Variants in DNAJC10 observed in about 807,000 individuals in gnomAD.
DNAJC10 encodes DnaJ heat shock protein family (Hsp40) member C10.
In DNAJC10, 101 loss-of-function variants were observed where a neutral mutation model predicts 115.0. The ratio of observed to expected loss-of-function variants is 0.88; its 90% CI spans 0.75 to 1.04. The LOEUF (loss-of-function observed/expected upper bound fraction) is 1.04, where lower values mean the gene tolerates loss of function less well. Among genes scored for constraint, DNAJC10 ranks in the 50% least tolerant of loss-of-function variants. The pLI is 0.00. For synonymous variants in DNAJC10, 307 were observed against 301.5 expected (o/e 1.02, Z -0.19); for missense variants, 981 against 928.8 (o/e 1.06, Z -0.73).
chr2:182,729,936 G>T lies in DNAJC10; in HGVS notation c.722G>T (p.Trp241Leu). ...GTTAGAAGTACAGTGACAGAACTTT[G>T]GACAGGTAATTTTATTTTCTTAATT... ...QHVRSTVTEL[W>L]TGNFVNSIQT... The change falls in exon 8 of 24, where the codon TGG (tryptophan) becomes TTG (leucine). Residue 241 changes from tryptophan (W) to leucine (L), a missense_variant. Transcript: ENST00000264065. 6.3e-7 allele frequency: 1 copy of T among 1,591,476 alleles called. No individual in the cohort carries two copies. Among genetic ancestry groups the T allele is most frequent in the Non-Finnish European group, 8.6e-7 (1 of 1,167,350 alleles).
chr2:182,718,374 A>T, intron 3 of DNAJC10, 84 bp downstream of exon 3: 1 of 1,078,102 alleles, frequency 9.3e-7, no homozygotes, highest in South Asian at 1.8e-5. Flanking sequence ...AAATGATCAA[A>T]TGCTTAAGAA....
chr2:182,728,769 T>C (rs1315393349), intron 6 of DNAJC10, 94 bp from the exon 7 acceptor site: 1 of 1,519,300 alleles, frequency 6.6e-7, no homozygotes, highest in African/African-American at 1.4e-5. Context: ...ATCAAATACT[T>C]TAAATGTCTG....
chr2:182,793,297 G>A lies in DNAJC10; in HGVS notation c.*16165G>A, dbSNP rs965927094. 6.6e-6 allele frequency: 1 copy of A among 152,224 alleles called. No individual in the cohort carries two copies. Among genetic ancestry groups the A allele is most frequent in the African/African-American group, 2.4e-5 (1 of 41,452 alleles). The allele number at this position is 152,224 out of a possible 1,614,324, so 9.4% of individuals were successfully genotyped here. A position where few individuals can be genotyped will look rare whatever the true frequency, so the allele number is the denominator to read the frequency against. On this transcript the variant is annotated 3_prime_UTR_variant, in exon 24 of 24. Coordinates refer to ENST00000264065, the MANE Select transcript of DNAJC10 (RefSeq NM_018981.4). ...AGCCAGATCATAGAGGGCTTTGCAG[G>A]TCACTTGTAAGGACTTTAGCTTTCT...
At chr2:182,732,431 G>A (rs1574925706) in intron 9 of DNAJC10, 68 bp from the exon 10 acceptor site, 1 of 1,471,338 alleles carries the variant, frequency 6.8e-7, no homozygotes, top group Non-Finnish European at 9.5e-7. Flanking sequence ...TGGGGGAAAG[G>A]CAAATGCAAG....
chr2:182,734,168 A>T (rs1693526881), intron 10 of DNAJC10, among the ~76,000 whole-genome samples: 1 of 147,690 alleles, frequency 6.8e-6, no homozygotes, highest in African/African-American at 2.5e-5. Flanking sequence ...TTATGATTTA[A>T]TTTGCTGTTC....
At chr2:182,736,665 T>G (rs1693591927) in intron 11 of DNAJC10, among the ~76,000 whole-genome samples, 2 of 152,222 alleles carry the variant, frequency 1.3e-5, no homozygotes, top group Non-Finnish European at 2.9e-5. Context: ...CATTATATTT[T>G]TAAACCCCAA....
chr2:182,719,815 T>C (rs1693100996), intron 3 of DNAJC10, among the ~76,000 whole-genome samples, 192 bp from the exon 4 acceptor site: 2 of 150,312 alleles, frequency 1.3e-5, no homozygotes, highest in Non-Finnish European at 3.0e-5. Context: ...TTTTTTTTTT[T>C]TGAAGATTAT....
chr2:182,740,021 A>C (rs769770966), intron 11 of DNAJC10: 1 of 1,018,836 alleles, frequency 9.8e-7, no homozygotes, highest in Non-Finnish European at 1.2e-6. Context: ...TTTTTATAGA[A>C]TACACATCAT....
Position 182,744,635 on chromosome 2 carries a change from G to C in DNAJC10, c.1306+923G>C, listed in dbSNP as rs575465658. Among the ~76,000 whole-genome samples, 100 of 152,162 alleles carry C rather than the reference G, an allele frequency of 6.6e-4. 2 individuals are homozygous for C. Among genetic ancestry groups the C allele is most frequent in the Admixed American group, 7.9e-4 (12 of 15,274 alleles). On this transcript the variant is annotated intron_variant, in intron 14 of 23. Coordinates refer to ENST00000264065, the MANE Select transcript of DNAJC10 (RefSeq NM_018981.4). ...CAGTAACTACTGTTTATTCACTGCT[G>C]TCTCCAAGTCAGACATTCTGCCAGA...
Position 182,791,293 on chromosome 2 carries a change from A to G in DNAJC10, c.*14161A>G, listed in dbSNP as rs1695044592. ...TGCCTTGGTGTGAATAAACCTTAAC[A>G]TAGAAACTCACCCAGCCTCAAAAGT... On this transcript the variant is annotated 3_prime_UTR_variant, in exon 24 of 24. Transcript: ENST00000264065. 1 of 152,168 alleles carries G rather than the reference A, an allele frequency of 6.6e-6. No individual in the cohort carries two copies. The highest frequency in any genetic ancestry group is 1.5e-5 in the Non-Finnish European group (1 of 68,024). The allele number at this position is 152,168 out of a possible 1,614,324, so 9.4% of individuals were successfully genotyped here.
chr2:182,732,763 T>G (rs1693484465), intron 10 of DNAJC10: 1 of 535,806 alleles, frequency 1.9e-6, no homozygotes, highest in Non-Finnish European at 3.3e-6. Flanking sequence ...ATTTACTTTG[T>G]AAGTATTCTG....
chr2:182,751,815 C>T (rs560480671), intron 15 of DNAJC10, 30 bp downstream of exon 15: 2 of 1,605,472 alleles, frequency 1.2e-6, no homozygotes, highest in East Asian at 2.2e-5. Context: ...CAGATTCTAA[C>T]ATTGTCAGAT....
At chr2:182,763,195 A>C (rs995405093) in intron 22 of DNAJC10, among the ~76,000 whole-genome samples, 1 of 152,088 alleles carries the variant, frequency 6.6e-6, no homozygotes, top group East Asian at 1.9e-4. Context: ...ATATTTCCTT[A>C]GTATATTTCT....
At chr2:182,725,420 C>G (rs947747284) in intron 5 of DNAJC10, among the ~76,000 whole-genome samples, 5 of 152,188 alleles carry the variant, frequency 3.3e-5, no homozygotes, top group Admixed American at 1.3e-4. Context: ...AGGTAGACCT[C>G]TTTTGCTAGT....
rs1695011591 is a variant in DNAJC10, at chr2:182,789,496, C to G, written c.*12364C>G. Reference sequence around the variant, plus strand: ...TTGGTCTCCCAAAGTGCTGGGATTACAGGCGTGAGCCACCGCACCCAGCCA... The same window carrying G: ...TTGGTCTCCCAAAGTGCTGGGATTAGAGGCGTGAGCCACCGCACCCAGCCA... On this transcript the variant is annotated 3_prime_UTR_variant, in exon 24 of 24. Coordinates refer to ENST00000264065, the MANE Select transcript of DNAJC10 (RefSeq NM_018981.4). 6.6e-6 allele frequency: 1 copy of G among 152,354 alleles called. No individual in the cohort carries two copies. Among genetic ancestry groups the G allele is most frequent in the Admixed American group, 6.5e-5 (1 of 15,294 alleles). The allele number at this position is 152,354 out of a possible 1,614,324, so 9.4% of individuals were successfully genotyped here. A position where few individuals can be genotyped will look rare whatever the true frequency, so the allele number is the denominator to read the frequency against.
intron 10 of DNAJC10, among the ~76,000 whole-genome samples, chr2:182,735,047 C>T (rs1055800899): frequency 2.0e-5 from 3 of 151,130 alleles, no homozygotes; most frequent in African/African-American, 7.3e-5. Flanking sequence ...TATATTTGGC[C>T]CTATGCTTAC....
At chr2:182,771,067 G>T (rs888288366) in intron 22 of DNAJC10, among the ~76,000 whole-genome samples, 4 of 152,250 alleles carry the variant, frequency 2.6e-5, no homozygotes, top group Admixed American at 2.6e-4. Context: ...AGATAATCAT[G>T]TAGTTTTTGT....
rs1203688824 is a variant in DNAJC10 at position 182,777,692 on chromosome 2, T to A, written c.*560T>A. The A allele has an allele frequency of 1.3e-5, 2 of 152,242 alleles. No homozygotes were observed. Among genetic ancestry groups the A allele is most frequent in the African/African-American group, 4.8e-5 (2 of 41,472 alleles). 9.4% of individuals were successfully genotyped at this position (152,242 alleles called of 1,614,324 possible). The stretch of plus-strand genomic sequence containing the variant: ...CTATCCCTAACCATATATTTATATT[T>A]CGTTTTAAAAACACCCATGATGTGG... On this transcript the variant is annotated 3_prime_UTR_variant, in exon 24 of 24. Coordinates refer to ENST00000264065, the MANE Select transcript of DNAJC10 (RefSeq NM_018981.4).
At chr2:182,728,686 A>G in intron 6 of DNAJC10, 28 bp downstream of exon 6, 1 of 1,581,608 alleles carries the variant, frequency 6.3e-7, no homozygotes, top group Non-Finnish European at 8.6e-7. Flanking sequence ...CCTCATTACT[A>G]GTTTTATTTC....
Sources: allele counts gnomAD v4.1 joint callset (sites outside exome capture counted in the v4.1 genomes callset), GRCh38; gene constraint gnomAD v4.1.1; transcripts MANE v1.5; gene names NCBI Gene and HGNC (gene_info 2026-07-23, HGNC 2026-07-21).